The following TBC1D14 variants were observed in gnomAD, a reference collection of about 807,000 sequenced individuals.
TBC1D14 encodes the protein TBC1 domain family member 14, also known as TBC1 domain family, member 14.
A neutral mutation model predicts 79.0 loss-of-function variants in TBC1D14; 26 were observed. The observed-to-expected ratio is 0.33, with a 90% confidence interval of 0.24 to 0.46. TBC1D14 has a LOEUF of 0.46. Among genes scored for constraint, TBC1D14 ranks in the 20% least tolerant of loss-of-function variants. The pLI, the probability that TBC1D14 is intolerant of heterozygous loss-of-function variation, is 1.00. For synonymous variants in TBC1D14, 394 were observed against 349.9 expected, an observed-to-expected ratio of 1.13 and a Z score of -1.40; for missense variants, 769 against 887.6, an observed-to-expected ratio of 0.87 and a Z score of 1.70.
At chr4:6,956,014 C>G (rs1714600825) in intron 2 of TBC1D14, among the ~76,000 whole-genome samples, 1 of 152,136 alleles carries the variant, frequency 6.6e-6, no homozygotes. Context: ...ATTCAATAAT[C>G]TGAGTGTTTT....
chr4:7,021,962 G>A (rs1161350104), intron 12 of TBC1D14, among the ~76,000 whole-genome samples: 1 of 152,246 alleles, frequency 6.6e-6, no homozygotes, highest in Non-Finnish European at 1.5e-5. Context: ...TGATCCCATG[G>A]CAGGGCTTCT....
In TBC1D14 at chr4:6,954,197, A is replaced by C. The variant is rs751425783; in HGVS notation, c.723-13107A>C. The stretch of plus-strand genomic sequence containing the variant: ...GAGGGGCGGGGCTCCGAGTGCACCC[A>C]TGGAGTTTCCCCGGGACTGTGGCTC... On this transcript the variant is annotated intron_variant, in intron 2 of 13. Transcript: ENST00000409757. The C allele has an allele frequency of 2.7e-5, 19 of 694,844 alleles. No homozygotes were observed. The East Asian group carries it at 4.9e-4, about 18-fold the overall frequency. The allele number at this position is 694,844 out of a possible 1,614,324, so 43.0% of individuals were successfully genotyped here.
chr4:6,916,868 T>G lies in TBC1D14; in HGVS notation c.-17-6505T>G, dbSNP rs563102831. ...GCTGGGTCAGGTGCTGGGGCGTTCCTCCTGTGCCTTGGGCACCTACGGATG... is the reference window on the plus strand; with the variant it reads ...GCTGGGTCAGGTGCTGGGGCGTTCCGCCTGTGCCTTGGGCACCTACGGATG... On this transcript the variant is annotated intron_variant, in intron 1 of 13. Transcript: ENST00000409757. Among the ~76,000 whole-genome samples, 18 of 152,374 alleles carry G rather than the reference T, an allele frequency of 1.2e-4. No homozygotes were observed. In the East Asian group the frequency reaches 3.5e-3, roughly 29 times the overall value.
intron 9 of TBC1D14, among the ~76,000 whole-genome samples, 198 bp downstream of exon 9, chr4:7,006,924 G>C (rs1006153811): frequency 1.3e-5 from 2 of 152,104 alleles, no homozygotes; most frequent in Admixed American, 1.3e-4. Flanking sequence ...TATTTACTAT[G>C]TCCATACTTG....
upstream of TBC1D14, among the ~76,000 whole-genome samples, chr4:6,909,678 G>A (rs1373035733): frequency 6.6e-6 from 1 of 151,362 alleles, no homozygotes; most frequent in African/African-American, 2.4e-5. Flanking sequence ...CGAGCGCCGA[G>A]CTCCAGACGC....
At chr4:6,980,812 T>A (rs1717302806) in intron 3 of TBC1D14, among the ~76,000 whole-genome samples, 1 of 151,040 alleles carries the variant, frequency 6.6e-6, no homozygotes, top group African/African-American at 2.4e-5. Context: ...GCCTACCGGG[T>A]GCATGCCATT....
intron 13 of TBC1D14, 60 bp from the exon 14 acceptor site, chr4:7,030,267 T>C: frequency 1.9e-6 from 3 of 1,553,962 alleles, no homozygotes; most frequent in Non-Finnish European, 2.7e-6. Context: ...TCTGCTTCGC[T>C]GCTGTCAGGA....
At position 6,999,166 on chromosome 4, in the gene TBC1D14, C is replaced by T; in HGVS notation, c.1127C>T (p.Thr376Ile). ...VEESIGNAVL[T>I]WNNEILPNWE... ...GAAAGCATTGGAAACGCTGTGCTCACCTGGAATAATGAGATCTTACCTAAC... is the reference window on the plus strand; with the variant it reads ...GAAAGCATTGGAAACGCTGTGCTCATCTGGAATAATGAGATCTTACCTAAC... The change falls in exon 6 of 14, where the codon ACC becomes ATC. Residue 376 changes from threonine to isoleucine, a missense_variant. Thr to Ile is a moderately conservative substitution (Grantham distance 89). Around this residue, in one of 2 missense-constraint regions of TBC1D14, gnomAD observed 367 missense variants for 494.4 expected, o/e 0.74. Coordinates refer to ENST00000409757, the MANE Select transcript of TBC1D14 (RefSeq NM_020773.3). 1 of 1,614,096 alleles carries T rather than the reference C, an allele frequency of 6.2e-7. No individual in the cohort carries two copies. The highest frequency in any genetic ancestry group is 8.5e-7 in the Non-Finnish European group (1 of 1,179,990).
chr4:6,976,519 T>C (rs150533906), intron 3 of TBC1D14, among the ~76,000 whole-genome samples: 12 of 152,308 alleles, frequency 7.9e-5, no homozygotes, highest in Non-Finnish European at 1.2e-4. Context: ...TAAAACGATA[T>C]TGTTAGAGCG....
chr4:6,946,151 T>G (rs1271208636), intron 2 of TBC1D14, among the ~76,000 whole-genome samples: 2 of 152,118 alleles, frequency 1.3e-5, no homozygotes. Context: ...TACCTACATT[T>G]CCGGTCATCA....
intron 1 of TBC1D14, among the ~76,000 whole-genome samples, chr4:6,921,401 TC>T (rs1723848463): frequency 6.6e-6 from 1 of 152,108 alleles, no homozygotes. Context: ...AGACAGAGTC[TC>T]CCATTGTTGC....
chr4:6,978,851 T>C (rs1198999838), intron 3 of TBC1D14, among the ~76,000 whole-genome samples: 1 of 149,676 alleles, frequency 6.7e-6, no homozygotes, highest in African/African-American at 2.5e-5. Context: ...TTGAGATTGA[T>C]TTGGGGAACG....
In TBC1D14 at chr4:6,944,047, G is replaced by T. The variant is rs141675943; in HGVS notation, c.722+19936G>T. ...TTCTGCCGGGGGTTTGGGTTTTTTT[G>T]TGTGTGTGATAGATCTTTTTAGCTT... On this transcript the variant is annotated intron_variant, in intron 2 of 13. Coordinates refer to ENST00000409757, the MANE Select transcript of TBC1D14 (RefSeq NM_020773.3). Among the ~76,000 whole-genome samples the T allele has an allele frequency of 4.5e-3, 677 of 151,636 alleles. 10 individuals carry two copies. Among genetic ancestry groups the T allele is most frequent in the African/African-American group, 0.016 (646 of 41,382 alleles).
intron 12 of TBC1D14, among the ~76,000 whole-genome samples, chr4:7,022,701 G>A (rs1163128297): frequency 6.6e-6 from 1 of 152,070 alleles, no homozygotes; most frequent in African/African-American, 2.4e-5. Flanking sequence ...TGCAGAGCAG[G>A]GGGCATCGTG....
chr4:6,987,557 C>A, intron 3 of TBC1D14: 1 of 416,102 alleles, frequency 2.4e-6, no homozygotes. Context: ...GATGCGCTCT[C>A]CTCCCTGGTA....
At chr4:7,006,771 A>G (rs775055278) in intron 9 of TBC1D14, 45 bp downstream of exon 9, 3 of 1,565,872 alleles carry the variant, frequency 1.9e-6, no homozygotes, top group Admixed American at 3.4e-5. Flanking sequence ...TTTGTCTAAA[A>G]TTCATAGATG....
Position 7,031,127 on chromosome 4 carries a change from G to A in TBC1D14, c.*735G>A, listed in dbSNP as rs774095920. 1.3e-5 allele frequency: 2 copies of A among 152,396 alleles called. No individual in the cohort carries two copies. Among genetic ancestry groups the A allele is most frequent in the African/African-American group, 2.4e-5 (1 of 41,480 alleles). The allele number at this position is 152,396 out of a possible 1,614,324, so 9.4% of individuals were successfully genotyped here. Reference sequence around the variant, plus strand: ...TTCGAGAGGAGGAGCTATTTGCGAGGAAGCCCTGTGGCAATAGAGATAGGC... The same window carrying A: ...TTCGAGAGGAGGAGCTATTTGCGAGAAAGCCCTGTGGCAATAGAGATAGGC... On this transcript the variant is annotated 3_prime_UTR_variant, in exon 14 of 14. Transcript: ENST00000409757.
intron 2 of TBC1D14, among the ~76,000 whole-genome samples, chr4:6,937,944 C>G (rs991286413): frequency 6.6e-6 from 1 of 152,118 alleles, no homozygotes; most frequent in African/African-American, 2.4e-5. Context: ...TAGGCTCCCC[C>G]CGGGGCCGTT....
chr4:6,926,717 T>G (rs894525840), intron 2 of TBC1D14, among the ~76,000 whole-genome samples: 4 of 152,244 alleles, frequency 2.6e-5, no homozygotes, highest in Admixed American at 1.3e-4. Flanking sequence ...CCAGAATCTT[T>G]AGAGCTCACT....
Sources: gnomAD v4.1 joint callset for allele counts (sites outside exome capture counted in the v4.1 genomes callset) on GRCh38, gnomAD v4.1.1 for gene constraint, gnomAD v4.1.1 regional missense constraint, MANE v1.5 for transcripts, NCBI Gene and HGNC (gene_info 2026-07-23, HGNC 2026-07-21) for gene names.